Variants in NR3C2 observed in about 807,000 individuals in gnomAD.
NR3C2 encodes the protein nuclear receptor subfamily 3 group C member 2.
A neutral mutation model predicts 86.4 loss-of-function variants in NR3C2; 15 were observed. The observed-to-expected ratio is 0.17, with a 90% CI of 0.12 to 0.27. NR3C2 has a LOEUF of 0.27. Ranked by LOEUF, NR3C2 falls within the 10% of genes least tolerant of loss-of-function variation. The pLI, the probability that NR3C2 is intolerant of heterozygous loss-of-function variation, is 1.00. For synonymous variants in NR3C2, 458 were observed against 450.5 expected (o/e 1.02, Z -0.21); for missense variants, 960 against 1,195.6 (o/e 0.80, Z 2.91).
intron 3 of NR3C2, among the ~76,000 whole-genome samples, chr4:148,223,456 G>A (rs1364627541): frequency 6.6e-6 from 1 of 152,112 alleles, no homozygotes; most frequent in Non-Finnish European, 1.5e-5. Flanking sequence ...TCTTTCCCAC[G>A]GTGCCTGGCA....
chr4:148,139,895 T>C (rs1417567238), intron 6 of NR3C2, among the ~76,000 whole-genome samples: 1 of 152,216 alleles, frequency 6.6e-6, no homozygotes, highest in Admixed American at 6.5e-5. Flanking sequence ...AGGAAAATTA[T>C]AAAACCAAAA....
intron 2 of NR3C2, among the ~76,000 whole-genome samples, chr4:148,322,320 T>G (rs1286111825): frequency 1.4e-5 from 2 of 145,886 alleles, no homozygotes; most frequent in Non-Finnish European, 3.0e-5. Context: ...CATTTTTTCC[T>G]TCATTTCAAC....
At chr4:148,128,982 G>C (rs1039033900) in intron 6 of NR3C2, among the ~76,000 whole-genome samples, 13 of 152,288 alleles carry the variant, frequency 8.5e-5, no homozygotes, top group Middle Eastern at 6.8e-3. Flanking sequence ...CATGGACCTT[G>C]AACTTTAGGC....
intron 2 of NR3C2, among the ~76,000 whole-genome samples, chr4:148,369,761 C>A (rs759091933): frequency 1.3e-5 from 2 of 152,036 alleles, no homozygotes; most frequent in African/African-American, 2.4e-5. Context: ...AAGAGGAGAA[C>A]AAGACAAAAC....
At chr4:148,264,019 T>C (rs1457576303) in intron 2 of NR3C2, among the ~76,000 whole-genome samples, 2 of 152,198 alleles carry the variant, frequency 1.3e-5, no homozygotes, top group Non-Finnish European at 2.9e-5. Context: ...GAAATCACAC[T>C]CCTAATCTCA....
Position 148,302,703 on chromosome 4 carries a change from T to C in NR3C2, c.1758-42586A>G, listed in dbSNP as rs1165991782. Among the ~76,000 whole-genome samples, 3 of 151,954 alleles carry C rather than the reference T, an allele frequency of 2.0e-5. No individual in the cohort carries two copies. In the East Asian group the frequency reaches 5.8e-4, roughly 29 times the overall value. ...ACACAGTCCCCATAGGGTCCTAACC[T>C]GTGGTGAGTAAAGAATGACACTCTC... On this transcript the variant is annotated intron_variant, in intron 2 of 8. Coordinates refer to ENST00000358102, the MANE Select transcript of NR3C2 (RefSeq NM_000901.5).
At position 148,400,001 on chromosome 4, in the gene NR3C2, T is replaced by C. The variant is rs528871213; in HGVS notation, c.1757+35103A>G. Among the ~76,000 whole-genome samples the C allele has an allele frequency of 3.3e-5, 5 of 151,756 alleles. No individual in the cohort carries two copies. The South Asian group carries it at 1.0e-3, about 32-fold the overall frequency. ...ATTTAGAATGCAGCTTCTTTCAACTTATCTTAATTTGTCAAGAAACTCTTT... is the reference window on the plus strand; with the variant it reads ...ATTTAGAATGCAGCTTCTTTCAACTCATCTTAATTTGTCAAGAAACTCTTT... On this transcript the variant is annotated intron_variant, in intron 2 of 8. Coordinates refer to ENST00000358102, the MANE Select transcript of NR3C2 (RefSeq NM_000901.5).
chr4:148,141,018 C>T (rs1560942474), intron 6 of NR3C2, among the ~76,000 whole-genome samples: 1 of 152,148 alleles, frequency 6.6e-6, no homozygotes, highest in Non-Finnish European at 1.5e-5. Context: ...TTTCATTAAG[C>T]TTACATGTTA....
At chr4:148,335,817 A>G (rs1442285253) in intron 2 of NR3C2, among the ~76,000 whole-genome samples, 2 of 152,158 alleles carry the variant, frequency 1.3e-5, no homozygotes, top group Admixed American at 6.5e-5. Context: ...AGAAAATCAT[A>G]GAGAAAAATG....
chr4:148,122,488 A>C (rs1442375255), intron 6 of NR3C2, among the ~76,000 whole-genome samples: 1 of 152,220 alleles, frequency 6.6e-6, no homozygotes, highest in Non-Finnish European at 1.5e-5. Context: ...TCTGTATTTT[A>C]ATAACTCAGT....
chr4:148,131,346 T>C (rs1244261764), intron 6 of NR3C2, among the ~76,000 whole-genome samples: 3 of 152,208 alleles, frequency 2.0e-5, no homozygotes, highest in Admixed American at 1.3e-4. Flanking sequence ...TGAATAAATC[T>C]AACATCTTGT....
At chr4:148,107,510 G>A (rs991100007) in intron 8 of NR3C2, among the ~76,000 whole-genome samples, 6 of 152,130 alleles carry the variant, frequency 3.9e-5, no homozygotes, top group Admixed American at 3.9e-4. Flanking sequence ...ATACCCAAAG[G>A]ATTATAAATC....
intron 3 of NR3C2, among the ~76,000 whole-genome samples, chr4:148,235,506 G>A (rs1738704900): frequency 1.3e-5 from 2 of 152,072 alleles, no homozygotes; most frequent in South Asian, 4.1e-4. Flanking sequence ...AGAATTAAAA[G>A]CAGAATTGTT....
In NR3C2 at chr4:148,323,017, CT is replaced by C. The variant is rs1248919325; in HGVS notation, c.1758-62901del. Reference sequence around the variant, plus strand: ...TTCCCCAACTTTGTGGTTTTATCTACTTTTGGTCTTTGATGATGGTGATGTA... The same window carrying C: ...TTCCCCAACTTTGTGGTTTTATCTACTTTGGTCTTTGATGATGGTGATGTA... On this transcript the variant is annotated intron_variant, in intron 2 of 8. Coordinates refer to ENST00000358102, the MANE Select transcript of NR3C2 (RefSeq NM_000901.5). 2.5e-4 allele frequency among the ~76,000 whole-genome samples: 38 copies of C among 149,794 alleles called. 1 individual carries two copies. In the South Asian group the frequency reaches 7.4e-3, roughly 29 times the overall value.
chr4:148,203,962 T>G (rs2149810878), intron 3 of NR3C2, among the ~76,000 whole-genome samples: 1 of 152,334 alleles, frequency 6.6e-6, no homozygotes, highest in Admixed American at 6.5e-5. Context: ...TTTAGGATTC[T>G]AACATTTTAA....
intron 2 of NR3C2, among the ~76,000 whole-genome samples, chr4:148,363,724 C>T (rs917164370): frequency 2.6e-5 from 4 of 151,948 alleles, no homozygotes; most frequent in Admixed American, 1.3e-4. Context: ...AGGATGGTCT[C>T]GATCTCCTGA....
chr4:148,201,774 T>C (rs1319146489), intron 3 of NR3C2, among the ~76,000 whole-genome samples: 2 of 152,164 alleles, frequency 1.3e-5, no homozygotes, highest in Non-Finnish European at 2.9e-5. Flanking sequence ...TCATGTTCTA[T>C]GACATCTACA....
intron 2 of NR3C2, among the ~76,000 whole-genome samples, chr4:148,267,184 A>ACACGAC (rs1283295852): frequency 6.6e-6 from 1 of 152,218 alleles, no homozygotes; most frequent in Non-Finnish European, 1.5e-5. Context: ...ACGACTCAGT[A>ACACGAC]TATTCAAGAA....
At position 148,161,546 on chromosome 4, in the gene NR3C2, G is replaced by C. The variant is rs961068611; in HGVS notation, c.2015-6645C>G. ...TTTTAAATATTTTTAGTAGAGGCGG[G>C]GTTTTACCATGTTTGGCCAGGCTGG... On this transcript the variant is annotated intron_variant, in intron 4 of 8. Transcript: ENST00000358102. 3.3e-5 allele frequency among the ~76,000 whole-genome samples: 5 copies of C among 152,070 alleles called. No individual in the cohort carries two copies. In the South Asian group the frequency reaches 1.0e-3, roughly 32 times the overall value.
Sources: allele counts gnomAD v4.1 joint callset (sites outside exome capture counted in the v4.1 genomes callset), GRCh38; gene constraint gnomAD v4.1.1; transcripts MANE v1.5; gene names NCBI Gene and HGNC (gene_info 2026-07-23, HGNC 2026-07-21).